PCDHGA4: variants seen among roughly 807,000 people sequenced by gnomAD.
PCDHGA4 encodes protocadherin gamma subfamily A, 4, also known as protocadherin gamma-A4.
PCDHGA4 carries 38 observed loss-of-function variants against 54.6 expected under a neutral mutation model. The ratio of observed to expected loss-of-function variants is 0.70; its 90% CI spans 0.54 to 0.91. The LOEUF (loss-of-function observed/expected upper bound fraction) is 0.91. Ranked by LOEUF, PCDHGA4 falls within the 40% of genes least tolerant of loss-of-function variation. The pLI is 0.00. For synonymous variants in PCDHGA4, 511 were observed against 512.9 expected, an observed-to-expected ratio of 1.00 and a Z score of 0.05; for missense variants, 1,298 against 1,220.9, an observed-to-expected ratio of 1.06 and a Z score of -0.94.
In PCDHGA4 at chr5:141,403,923, G is replaced by T. The variant is rs199643799; in HGVS notation, c.2514+46302G>T. 1.2e-3 allele frequency: 1,935 copies of T among 1,613,900 alleles called. 4 individuals carry two copies. Among genetic ancestry groups the T allele is most frequent in the Non-Finnish European group, 1.5e-3 (1,744 of 1,179,882 alleles). On this transcript the variant is annotated intron_variant, in intron 1 of 3. Transcript: ENST00000571252. The stretch of plus-strand genomic sequence containing the variant: ...GAAATGGAAATACAAGCTGAAGATG[G>T]TGGGGGATTGAAAGGGTGGACAAAA...
intron 1 of PCDHGA4, among the ~76,000 whole-genome samples, chr5:141,468,216 T>C (rs2099160325): frequency 6.6e-6 from 1 of 150,794 alleles, no homozygotes. Flanking sequence ...TTCCAGCTAC[T>C]TGGGAGGATG....
At chr5:141,361,741 G>A in intron 1 of PCDHGA4, 1 of 1,613,146 alleles carries the variant, frequency 6.2e-7, no homozygotes, top group African/African-American at 1.3e-5. Context: ...GCAGGCCCGC[G>A]ACCAGGGCTC....
intron 1 of PCDHGA4, among the ~76,000 whole-genome samples, chr5:141,459,160 T>C (rs1330588092): frequency 6.6e-6 from 1 of 152,228 alleles, no homozygotes; most frequent in African/African-American, 2.4e-5. Context: ...AGAACATTTC[T>C]ATAACCTTCA....
chr5:141,398,910 G>T, intron 1 of PCDHGA4: 1 of 1,613,972 alleles, frequency 6.2e-7, no homozygotes, highest in Non-Finnish European at 8.5e-7. Flanking sequence ...GCACCACTGT[G>T]TTGCAAGTGT....
At chr5:141,388,414 A>G in intron 1 of PCDHGA4, 2 of 1,613,970 alleles carry the variant, frequency 1.2e-6, no homozygotes, top group Non-Finnish European at 1.7e-6. Context: ...CCCAGTGATC[A>G]TTTCTCACTG....
At chr5:141,390,882 G>A (rs892294372) in intron 1 of PCDHGA4, 2 of 152,824 alleles carry the variant, frequency 1.3e-5, no homozygotes, top group Non-Finnish European at 2.9e-5. Flanking sequence ...GTGTGTGTGT[G>A]TGTGTGAGAG....
chr5:141,491,896 C>A lies in PCDHGA4; in HGVS notation c.2515-2911C>A. ...CGATTAAGGGATGGGGCTCCGAGCA[C>A]CGGGGGTGGTGGCGACTGTGGGCGA... On this transcript the variant is annotated intron_variant, in intron 1 of 3. Coordinates refer to ENST00000571252, the MANE Select transcript of PCDHGA4 (RefSeq NM_018917.4). This position sits in a 1 kb window ranked among gnomAD's most constrained non-coding sequence, Gnocchi z 6.9. 1 of 1,434,504 alleles carries A rather than the reference C, an allele frequency of 7.0e-7. No homozygotes were observed. Among genetic ancestry groups the A allele is most frequent in the Non-Finnish European group, 9.2e-7 (1 of 1,084,690 alleles). The allele number at this position is 1,434,504 out of a possible 1,614,324, so 88.9% of individuals were successfully genotyped here.
rs769607720 is a variant in PCDHGA4 at position 141,489,346 on chromosome 5, G to A, written c.2515-5461G>A. 4 of 1,611,652 alleles carry A rather than the reference G, an allele frequency of 2.5e-6. No individual in the cohort carries two copies. The highest frequency in any genetic ancestry group is 3.4e-6 in the Non-Finnish European group (4 of 1,178,446). On this transcript the variant is annotated intron_variant, in intron 1 of 3. Transcript: ENST00000571252. The surrounding 1 kb of genome is among the most constrained non-coding windows in gnomAD (Gnocchi z 4.5). Reference sequence around the variant, plus strand: ...GTCTGGGCAGCTTCGTTACTCAGTGGTGGAGGAGTCTGAGCCGGGGACGCT... The same window carrying A: ...GTCTGGGCAGCTTCGTTACTCAGTGATGGAGGAGTCTGAGCCGGGGACGCT...
At chr5:141,372,155 G>C in intron 1 of PCDHGA4, 1 of 1,613,796 alleles carries the variant, frequency 6.2e-7, no homozygotes, top group Non-Finnish European at 8.5e-7. Flanking sequence ...CTGGCTACCT[G>C]GTGACCAAGG....
intron 1 of PCDHGA4, chr5:141,400,280 CCG>C (rs769084717): frequency 1.2e-5 from 19 of 1,613,948 alleles, no homozygotes; most frequent in Non-Finnish European, 1.4e-5. Context: ...TCCAGCCCTG[CCG>C]CCTGGAGCTG....
chr5:141,447,356 C>T (rs1158878203), intron 1 of PCDHGA4, among the ~76,000 whole-genome samples: 4 of 152,000 alleles, frequency 2.6e-5, no homozygotes, highest in African/African-American at 9.7e-5. Context: ...TCAGGCTGGT[C>T]TCAAACTCCT....
chr5:141,384,580 G>T, intron 1 of PCDHGA4: 1 of 1,614,196 alleles, frequency 6.2e-7, no homozygotes, highest in Non-Finnish European at 8.5e-7. Flanking sequence ...CAACCCGCCC[G>T]AGATCCTGTA....
rs1023140435 is a variant in PCDHGA4, at chr5:141,415,749, T to G, written c.2514+58128T>G. The G allele has an allele frequency of 4.7e-4, 569 of 1,213,970 alleles. 1 individual carries two copies. Among genetic ancestry groups the G allele is most frequent in the Admixed American group, 3.5e-3 (90 of 25,886 alleles). The allele number at this position is 1,213,970 out of a possible 1,614,324, so 75.2% of individuals were successfully genotyped here. The stretch of plus-strand genomic sequence containing the variant: ...TTTGATGTTTATTAAGGTTTTTTTT[T>G]TTTTTTTTTTTTTTTTTTTTTTTAC... On this transcript the variant is annotated intron_variant, in intron 1 of 3. Transcript: ENST00000571252.
Position 141,393,255 on chromosome 5 carries a change from C to G in PCDHGA4, c.2514+35634C>G, listed in dbSNP as rs201229959. 2.3e-4 allele frequency: 367 copies of G among 1,613,786 alleles called. No individual in the cohort carries two copies. Among genetic ancestry groups the G allele is most frequent in the Non-Finnish European group, 2.9e-4 (338 of 1,179,916 alleles). On this transcript the variant is annotated intron_variant, in intron 1 of 3. Coordinates refer to ENST00000571252, the MANE Select transcript of PCDHGA4 (RefSeq NM_018917.4). ...AGTAAAAATTAACGAAATCGCGGTT[C>G]CTGGAGCACGTTATCCACTCCCAGA...
At position 141,355,075 on chromosome 5, in the gene PCDHGA4, T is replaced by G; in HGVS notation, c.-33T>G. The stretch of plus-strand genomic sequence containing the variant: ...ACTGGCTCTGGAGCTTTATGAAAGC[T>G]TCAAGCGGAAGCCCTGAGAGCTCTG... On this transcript the variant is annotated 5_prime_UTR_variant, in exon 1 of 4. Coordinates refer to ENST00000571252, the MANE Select transcript of PCDHGA4 (RefSeq NM_018917.4). 2 of 1,395,680 alleles carry G rather than the reference T, an allele frequency of 1.4e-6. No individual in the cohort carries two copies. Among genetic ancestry groups the G allele is most frequent in the Non-Finnish European group, 1.9e-6 (2 of 1,044,752 alleles). 86.5% of individuals were successfully genotyped at this position (1,395,680 alleles called of 1,614,324 possible).
chr5:141,488,885 T>C (rs1401230063), intron 1 of PCDHGA4, among the ~76,000 whole-genome samples: 1 of 152,194 alleles, frequency 6.6e-6, no homozygotes, highest in Admixed American at 6.5e-5. Flanking sequence ...GAAGCTTCTG[T>C]GACACAGATT....
At chr5:141,377,761 T>C (rs917483532) in intron 1 of PCDHGA4, 27 of 152,190 alleles carry the variant, frequency 1.8e-4, no homozygotes, top group African/African-American at 5.8e-4. Context: ...GGACACCAGA[T>C]CTTTGGTGTT....
At chr5:141,363,379 C>A (rs1307395105) in intron 1 of PCDHGA4, among the ~76,000 whole-genome samples, 1 of 151,982 alleles carries the variant, frequency 6.6e-6, no homozygotes, top group Non-Finnish European at 1.5e-5. Flanking sequence ...AGAGGTTTTT[C>A]TATTTCTGTT....
rs746318177 is a variant in PCDHGA4 at position 141,431,715 on chromosome 5, T to G, written c.2515-63092T>G. On this transcript the variant is annotated intron_variant, in intron 1 of 3. Coordinates refer to ENST00000571252, the MANE Select transcript of PCDHGA4 (RefSeq NM_018917.4). The surrounding 1 kb of genome is among the most constrained non-coding windows in gnomAD (Gnocchi z 4.8). Reference sequence around the variant, plus strand: ...GAGTCAGGATTCTACCAGATGGAAGTGCAAGCAATGGATAATGCAGGATAT... The same window carrying G: ...GAGTCAGGATTCTACCAGATGGAAGGGCAAGCAATGGATAATGCAGGATAT... 5.6e-6 allele frequency: 9 copies of G among 1,614,178 alleles called. No homozygotes were observed. The highest frequency in any genetic ancestry group is 6.8e-6 in the Non-Finnish European group (8 of 1,180,042).
Sources: gnomAD v4.1 joint callset for allele counts (sites outside exome capture counted in the v4.1 genomes callset) on GRCh38, gnomAD v4.1.1 for gene constraint, Gnocchi (gnomAD v3.1) non-coding constraint, MANE v1.5 for transcripts, NCBI Gene and HGNC (gene_info 2026-07-23, HGNC 2026-07-21) for gene names.